RGS9: variants seen among roughly 807,000 people sequenced by gnomAD.
The protein encoded by RGS9 is regulator of G protein signaling 9.
Under a neutral mutation model 102.0 loss-of-function variants are expected in RGS9, and 78 were observed. The observed-to-expected ratio is 0.76, with a 90% confidence interval of 0.64 to 0.92. RGS9 has a LOEUF of 0.92. RGS9 is among the 40% of genes least tolerant of loss of function. The pLI is 0.00. For missense variants in RGS9, 833 were observed against 866.1 expected (o/e 0.96, Z 0.48); for synonymous variants, 353 against 318.6 (o/e 1.11, Z -1.15).
At chr17:65,158,189 T>A in intron 2 of RGS9, 106 bp from the exon 3 acceptor site, 1 of 1,040,964 alleles carries the variant, frequency 9.6e-7, no homozygotes, top group Non-Finnish European at 1.5e-6. Context: ...CGAAGAGGAA[T>A]GAAATCGCAG....
chr17:65,166,460 G>A (rs1038928760), intron 7 of RGS9, among the ~76,000 whole-genome samples: 2 of 152,214 alleles, frequency 1.3e-5, no homozygotes, highest in African/African-American at 4.8e-5. Context: ...CTACTCAAGG[G>A]CAGGGACTAT....
intron 11 of RGS9, among the ~76,000 whole-genome samples, chr17:65,190,599 T>G (rs190353909): frequency 1.3e-5 from 2 of 152,184 alleles, no homozygotes; most frequent in East Asian, 3.9e-4. Context: ...TCATTAGGAG[T>G]GTGTGAGTCA....
intron 17 of RGS9, among the ~76,000 whole-genome samples, chr17:65,212,006 C>T (rs888235962): frequency 6.6e-6 from 1 of 152,218 alleles, no homozygotes; most frequent in African/African-American, 2.4e-5. Context: ...GTGGCCTAGG[C>T]TGAGATGAGT....
At position 65,168,225 on chromosome 17, in the gene RGS9, G is replaced by A. The variant is rs1911270994; in HGVS notation, c.526G>A (p.Asp176Asn). The A allele has an allele frequency of 2.5e-6, 4 of 1,611,464 alleles. No individual in the cohort carries two copies. The highest frequency in any genetic ancestry group is 3.4e-6 in the Non-Finnish European group (4 of 1,178,946). The stretch of plus-strand genomic sequence containing the variant: ...GGCTGGAAAGGAGAGGAACAAAGCA[G>A]ACAGATATGCCCTGGACTGCCAGGA... The part of the protein sequence containing the change: ...YRAGKERNKA[D>N]RYALDCQEKA... The change falls in exon 8 of 19, where the codon GAC becomes AAC. Residue 176 changes from aspartate (D) to asparagine (N), a missense_variant. Asp to Asn is a conservative substitution (Grantham distance 23). Coordinates refer to ENST00000262406, the MANE Select transcript of RGS9 (RefSeq NM_003835.4).
At chr17:65,189,203 AG>A in intron 9 of RGS9, 82 bp from the exon 10 acceptor site, 1 of 1,190,622 alleles carries the variant, frequency 8.4e-7, no homozygotes, top group Non-Finnish European at 1.2e-6. Flanking sequence ...CTCATGGGGA[AG>A]GATTTTTATT....
chr17:65,164,484 C>G (rs2144004760), intron 7 of RGS9, among the ~76,000 whole-genome samples: 1 of 152,278 alleles, frequency 6.6e-6, no homozygotes, highest in Non-Finnish European at 1.5e-5. Context: ...TCCCCCCAGT[C>G]CAGCCTCACT....
intron 13 of RGS9, among the ~76,000 whole-genome samples, chr17:65,200,251 C>T (rs1413371481): frequency 4.6e-5 from 7 of 152,168 alleles, no homozygotes; most frequent in South Asian, 2.1e-4. Flanking sequence ...AGGCTGGTCT[C>T]GAACTCCTGA....
chr17:65,195,415 C>T (rs1410739448), intron 12 of RGS9, among the ~76,000 whole-genome samples: 1 of 152,114 alleles, frequency 6.6e-6, no homozygotes, highest in South Asian at 2.1e-4. Flanking sequence ...AAGCCCTGTT[C>T]TTTTTTGTGG....
At chr17:65,157,931 G>GTC (rs1438533182) in intron 2 of RGS9, among the ~76,000 whole-genome samples, 4 of 152,136 alleles carry the variant, frequency 2.6e-5, no homozygotes, top group African/African-American at 9.7e-5. Flanking sequence ...GTGTGTGTGT[G>GTC]TGTGTTTAGA....
intron 15 of RGS9, among the ~76,000 whole-genome samples, chr17:65,206,259 C>T (rs1913059415): frequency 6.6e-6 from 1 of 152,144 alleles, no homozygotes; most frequent in Non-Finnish European, 1.5e-5. Context: ...TTTTTTGAAT[C>T]AGTGGGGTGT....
At position 65,158,364 on chromosome 17, in the gene RGS9, CT is replaced by C. The variant is rs1162159377; in HGVS notation, c.205+20del. The C allele has an allele frequency of 1.9e-6, 3 of 1,611,866 alleles. No homozygotes were observed. The African/African-American group carries it at 4.0e-5, about 22-fold the overall frequency. On this transcript the variant is annotated intron_variant, in intron 3 of 18. Coordinates refer to ENST00000262406, the MANE Select transcript of RGS9 (RefSeq NM_003835.4). The stretch of plus-strand genomic sequence containing the variant: ...AGTCTGGGTGAGAGCTCATCTGGCA[CT>C]CAGTTATCCGGGACAGCTTTGTGTA...
chr17:65,210,369 G>C (rs2144109034), intron 16 of RGS9, 119 bp from the exon 17 acceptor site: 1 of 1,282,628 alleles, frequency 7.8e-7, no homozygotes, highest in African/African-American at 1.5e-5. Flanking sequence ...ACTGGAAAAA[G>C]GAGGGAACAA....
In RGS9 at chr17:65,168,185, C is replaced by G. The variant is rs1911267749; in HGVS notation, c.501-15C>G. 1.9e-6 allele frequency: 3 copies of G among 1,599,184 alleles called. No homozygotes were observed. The African/African-American group carries it at 4.0e-5, about 21-fold the overall frequency. On this transcript the variant is annotated splice_polypyrimidine_tract_variant and intron_variant, in intron 7 of 18. Coordinates refer to ENST00000262406, the MANE Select transcript of RGS9 (RefSeq NM_003835.4). The stretch of plus-strand genomic sequence containing the variant: ...AAAGTCTTCCTGGCCTTACACGTGG[C>G]TTTTGGCTTTCCAGGGCTGGAAAGG...
At chr17:65,162,620 G>A (rs1004073495) in intron 6 of RGS9, among the ~76,000 whole-genome samples, 2 of 150,458 alleles carry the variant, frequency 1.3e-5, no homozygotes, top group African/African-American at 2.4e-5. Context: ...CCGCCACCAC[G>A]CCTGGCTAAT....
Position 65,225,109 on chromosome 17 carries a change from G to A in RGS9, c.1515G>A (p.Lys505=). The part of the protein sequence containing the change: ...PFSSSCRSPR[K]PFASPSRFIR... ...CCTCCTCCTGCCGCTCCCCCAGGAA[G>A]CCTTTCGCCTCACCCAGCCGCTTCA... Residue 505 remains lysine (K), a synonymous_variant, in exon 18 of 19, where the codon AAG becomes AAA. Coordinates refer to ENST00000262406, the MANE Select transcript of RGS9 (RefSeq NM_003835.4). 1 of 1,613,862 alleles carries A rather than the reference G, an allele frequency of 6.2e-7. No individual in the cohort carries two copies. Among genetic ancestry groups the A allele is most frequent in the Non-Finnish European group, 8.5e-7 (1 of 1,180,012 alleles).
Position 65,140,585 on chromosome 17 carries a change from C to T in RGS9, c.57+2988C>T, listed in dbSNP as rs898569262. Among the ~76,000 whole-genome samples, 19 of 152,248 alleles carry T rather than the reference C, an allele frequency of 1.2e-4. 2 individuals are homozygous for T. In the South Asian group the frequency reaches 3.9e-3, roughly 32 times the overall value. ...TGGCAGATTTGCAAATTAAGAAGAT[C>T]ACTGGTGGGCCAGTTGCAGTGGCTC... On this transcript the variant is annotated intron_variant, in intron 1 of 18. Transcript: ENST00000262406.
At chr17:65,220,364 T>C (rs1401826134) in intron 17 of RGS9, among the ~76,000 whole-genome samples, 2 of 152,250 alleles carry the variant, frequency 1.3e-5, no homozygotes, top group Non-Finnish European at 2.9e-5. Context: ...GTCCTCTGTC[T>C]GCAGCTTCTA....
At position 65,160,325 on chromosome 17, in the gene RGS9, C is replaced by A; in HGVS notation, c.298C>A (p.Leu100Ile). ...TCTCATTCTCAAGCCTGATGGCAGC[C>A]TCTACAGATTTCAGGTGAGTCTTGG... ...KNLILKPDGS[L>I]YRFQTPYFWP... is the part of the protein sequence containing the mutation. Residue 100 changes from leucine to isoleucine, a missense_variant, in exon 4 of 19, where the codon CTC becomes ATC. Physicochemically the swap from Leu to Ile is conservative, Grantham distance 5. Around this residue, in one of 3 missense-constraint regions of RGS9, gnomAD observed 328 missense variants for 340.6 expected, o/e 0.96. Coordinates refer to ENST00000262406, the MANE Select transcript of RGS9 (RefSeq NM_003835.4). 1 of 1,613,648 alleles carries A rather than the reference C, an allele frequency of 6.2e-7. No homozygotes were observed. The highest frequency in any genetic ancestry group is 1.6e-4 in the Middle Eastern group (1 of 6,062).
intron 1 of RGS9, among the ~76,000 whole-genome samples, chr17:65,144,169 G>A (rs181861925): frequency 1.5e-3 from 222 of 152,250 alleles, no homozygotes; most frequent in Non-Finnish European, 2.6e-3. Context: ...TTATTAGCAG[G>A]AGTACATCCT....
Sources: allele counts gnomAD v4.1 joint callset (sites outside exome capture counted in the v4.1 genomes callset), GRCh38; gene constraint gnomAD v4.1.1; regional missense constraint gnomAD v4.1.1; transcripts MANE v1.5; gene names NCBI Gene and HGNC (gene_info 2026-07-23, HGNC 2026-07-21).